NOPCHAP1: variants seen among roughly 807,000 people sequenced by gnomAD.
NOPCHAP1 encodes the protein DNA damage-sensitive RNA 1.
In NOPCHAP1, 13 loss-of-function variants were observed where a neutral mutation model predicts 14.0. The ratio of observed to expected loss-of-function variants is 0.93; its 90% confidence interval spans 0.60 to 1.47. NOPCHAP1 has a LOEUF of 1.47. Ranked by LOEUF, NOPCHAP1 falls within the 40% of genes most tolerant of loss-of-function variation. The pLI, the probability that NOPCHAP1 is intolerant of heterozygous loss-of-function variation, is 0.00. For synonymous variants in NOPCHAP1, 78 were observed against 78.4 expected, an observed-to-expected ratio of 1.00 and a Z score of 0.03; for missense variants, 230 against 226.9, an observed-to-expected ratio of 1.01 and a Z score of -0.09.
chr12:104,992,931 G>A (rs1873414473), intron 3 of NOPCHAP1, among the ~76,000 whole-genome samples: 1 of 152,138 alleles, frequency 6.6e-6, no homozygotes, highest in Admixed American at 6.5e-5. Flanking sequence ...CTGCTGCTCT[G>A]TCTGACCTTA....
chr12:104,994,453 A>C, intron 3 of NOPCHAP1, 25 bp from the exon 4 acceptor site: 1 of 1,598,554 alleles, frequency 6.3e-7, no homozygotes, highest in Non-Finnish European at 8.6e-7. Context: ...TCTGAAATAG[A>C]TTTCCTGTCC....
rs1873583823 is a variant in NOPCHAP1, at chr12:105,000,257, T to C, written c.*5561T>C. 6.6e-6 allele frequency: 1 copy of C among 152,184 alleles called. No homozygotes were observed. The highest frequency in any genetic ancestry group is 1.5e-5 in the Non-Finnish European group (1 of 68,030). 9.4% of individuals were successfully genotyped at this position (152,184 alleles called of 1,614,324 possible). On this transcript the variant is annotated 3_prime_UTR_variant, in exon 4 of 4. Coordinates refer to ENST00000552951, the MANE Select transcript of NOPCHAP1 (RefSeq NM_152318.3). Reference sequence around the variant, plus strand: ...TAATTGGAAAGGTTGGGATATTCCTTTCAGTGAGTGTAGGCAAGCAAATAG... The same window carrying C: ...TAATTGGAAAGGTTGGGATATTCCTCTCAGTGAGTGTAGGCAAGCAAATAG...
intron 3 of NOPCHAP1, 42 bp downstream of exon 3, chr12:104,991,890 C>T: frequency 6.4e-7 from 1 of 1,554,866 alleles, no homozygotes; most frequent in Non-Finnish European, 8.6e-7. Context: ...TACTGGTCTG[C>T]CTGTCACCTA....
chr12:104,994,752 A>G lies in NOPCHAP1; in HGVS notation c.*56A>G. The G allele has an allele frequency of 1.4e-6, 2 of 1,458,800 alleles. No individual in the cohort carries two copies. Among genetic ancestry groups the G allele is most frequent in the South Asian group, 2.4e-5 (2 of 82,558 alleles). 90.4% of individuals were successfully genotyped at this position (1,458,800 alleles called of 1,614,324 possible). Reference sequence around the variant, plus strand: ...ACATATGTCTGCAAATTCTGTGAAAAAGAATGTGATTCACGGGTTCTTTTG... The same window carrying G: ...ACATATGTCTGCAAATTCTGTGAAAGAGAATGTGATTCACGGGTTCTTTTG... On this transcript the variant is annotated 3_prime_UTR_variant, in exon 4 of 4. Coordinates refer to ENST00000552951, the MANE Select transcript of NOPCHAP1 (RefSeq NM_152318.3).
Position 104,986,368 on chromosome 12 carries a change from A to C in NOPCHAP1, c.16A>C (p.Lys6Gln). 6.2e-7 allele frequency: 1 copy of C among 1,610,226 alleles called. No individual in the cohort carries two copies. Among genetic ancestry groups the C allele is most frequent in the Non-Finnish European group, 8.5e-7 (1 of 1,178,412 alleles). Reference protein sequence around the residue: MEVHGKPKASPSCSSP... With the variant: MEVHGQPKASPSCSSP... ...TGAGGGAAGCATGGAGGTCCATGGC[A>C]AGCCCAAGGCTAGCCCGAGTTGTTC... Residue 6 changes from lysine (K) to glutamine (Q), a missense_variant, in exon 1 of 4, where the codon AAG (lysine) becomes CAG (glutamine). By Grantham distance (53) the Lys-to-Gln change is moderately conservative. Transcript: ENST00000552951.
intron 1 of NOPCHAP1, among the ~76,000 whole-genome samples, chr12:104,987,429 G>C (rs1049862143): frequency 6.6e-6 from 1 of 152,228 alleles, no homozygotes; most frequent in East Asian, 1.9e-4. Context: ...TCCAGACTCT[G>C]TGCTCTGATC....
In NOPCHAP1 at chr12:104,998,832, T is replaced by A. The variant is rs1306646230; in HGVS notation, c.*4136T>A. 7.9e-5 allele frequency: 12 copies of A among 151,128 alleles called. No homozygotes were observed. The allele number at this position is 151,128 out of a possible 1,614,324, so 9.4% of individuals were successfully genotyped here. A position where few individuals can be genotyped will look rare whatever the true frequency, so the allele number is the denominator to read the frequency against. Reference sequence around the variant, plus strand: ...TGTGCCCTCTGTGCGTGTGCTTACATGGGTAGCAGTGGCCACTCAGGGTAA... The same window carrying A: ...TGTGCCCTCTGTGCGTGTGCTTACAAGGGTAGCAGTGGCCACTCAGGGTAA... On this transcript the variant is annotated 3_prime_UTR_variant, in exon 4 of 4. Coordinates refer to ENST00000552951, the MANE Select transcript of NOPCHAP1 (RefSeq NM_152318.3).
chr12:105,017,368 G>C lies in NOPCHAP1; in HGVS notation c.*22672G>C, dbSNP rs1362190294. The stretch of plus-strand genomic sequence containing the variant: ...ATAAAAATGAGCCAGATGCGGTGGT[G>C]CATATCTGTAATCCCAGCTACTTGG... On this transcript the variant is annotated 3_prime_UTR_variant, in exon 4 of 4. Transcript: ENST00000552951. 6.6e-6 allele frequency: 1 copy of C among 152,006 alleles called. No individual in the cohort carries two copies. Among genetic ancestry groups the C allele is most frequent in the Non-Finnish European group, 1.5e-5 (1 of 68,074 alleles). The allele number at this position is 152,006 out of a possible 1,614,324, so 9.4% of individuals were successfully genotyped here.
Position 104,986,372 on chromosome 12 carries a change from C to A in NOPCHAP1, c.20C>A (p.Pro7His). ...GGAAGCATGGAGGTCCATGGCAAGC[C>A]CAAGGCTAGCCCGAGTTGTTCGTCG... MEVHGK[P>H]KASPSCSSPT... Residue 7 changes from proline (P) to histidine (H), a missense_variant, in exon 1 of 4, where the codon CCC becomes CAC. Physicochemically the swap from Pro to His is moderately conservative, Grantham distance 77. Transcript: ENST00000552951. The A allele has an allele frequency of 6.2e-7, 1 of 1,610,596 alleles. No homozygotes were observed. Among genetic ancestry groups the A allele is most frequent in the Non-Finnish European group, 8.5e-7 (1 of 1,178,624 alleles).
rs1696556174 is a variant in NOPCHAP1, at chr12:105,006,660, A to G, written c.*11964A>G. 6.6e-6 allele frequency: 1 copy of G among 152,232 alleles called. No homozygotes were observed. The highest frequency in any genetic ancestry group is 1.5e-5 in the Non-Finnish European group (1 of 68,046). The allele number at this position is 152,232 out of a possible 1,614,324, so 9.4% of individuals were successfully genotyped here. Reference sequence around the variant, plus strand: ...TCAGGGGTTAGCAGCCTTATAGATAAGGGCAGTCCTGATCATAAATCTAAT... The same window carrying G: ...TCAGGGGTTAGCAGCCTTATAGATAGGGGCAGTCCTGATCATAAATCTAAT... On this transcript the variant is annotated 3_prime_UTR_variant, in exon 4 of 4. Coordinates refer to ENST00000552951, the MANE Select transcript of NOPCHAP1 (RefSeq NM_152318.3).
Position 105,012,678 on chromosome 12 carries a change from G to A in NOPCHAP1, c.*17982G>A, listed in dbSNP as rs1262021505. ...AACCTTTGGGTGGGGTTTCTGTGTG[G>A]ACGTCCTTTTTGTTGATGTAGATGC... On this transcript the variant is annotated 3_prime_UTR_variant, in exon 4 of 4. Transcript: ENST00000552951. 1.3e-5 allele frequency: 2 copies of A among 152,152 alleles called. No individual in the cohort carries two copies. Among genetic ancestry groups the A allele is most frequent in the Non-Finnish European group, 2.9e-5 (2 of 68,042 alleles). The allele number at this position is 152,152 out of a possible 1,614,324, so 9.4% of individuals were successfully genotyped here. A position where few individuals can be genotyped will look rare whatever the true frequency, so the allele number is the denominator to read the frequency against.
intron 2 of NOPCHAP1, among the ~76,000 whole-genome samples, chr12:104,991,139 G>A (rs1873365338): frequency 6.6e-6 from 1 of 152,194 alleles, no homozygotes; most frequent in South Asian, 2.1e-4. Context: ...CCCGACTAGA[G>A]CAGCGTGTCA....
rs1033149521 is a variant in NOPCHAP1, at chr12:104,994,757, T to C, written c.*61T>C. 136 of 1,435,846 alleles carry C rather than the reference T, an allele frequency of 9.5e-5. No homozygotes were observed. Among genetic ancestry groups the C allele is most frequent in the Admixed American group, 4.6e-4 (24 of 51,846 alleles). The allele number at this position is 1,435,846 out of a possible 1,614,324, so 88.9% of individuals were successfully genotyped here. ...TGTCTGCAAATTCTGTGAAAAAGAA[T>C]GTGATTCACGGGTTCTTTTGCTTTT... On this transcript the variant is annotated 3_prime_UTR_variant, in exon 4 of 4. Transcript: ENST00000552951.
chr12:104,986,608 G>GGGGACTGCT, intron 1 of NOPCHAP1, 141 bp downstream of exon 1: 1 of 652,322 alleles, frequency 1.5e-6, no homozygotes, highest in Non-Finnish European at 2.4e-6. Context: ...GCGGGGCTCC[G>GGGGACTGCT]GCGTGCCCTG....
Position 105,002,096 on chromosome 12 carries a change from A to C in NOPCHAP1, c.*7400A>C, listed in dbSNP as rs1413077213. On this transcript the variant is annotated 3_prime_UTR_variant, in exon 4 of 4. Transcript: ENST00000552951. ...TGGTATACTGAAATAAGAATGCAAA[A>C]TCTCTTTTCCAGCATCCTAGTTGTT... is the stretch of plus-strand genomic sequence containing the variant. 3.9e-5 allele frequency: 6 copies of C among 152,152 alleles called. No homozygotes were observed. Among genetic ancestry groups the C allele is most frequent in the Non-Finnish European group, 8.8e-5 (6 of 68,018 alleles). The allele number at this position is 152,152 out of a possible 1,614,324, so 9.4% of individuals were successfully genotyped here.
Position 104,987,588 on chromosome 12 carries a change from C to T in NOPCHAP1, c.116-579C>T, listed in dbSNP as rs117183283. 6.2e-4 allele frequency among the ~76,000 whole-genome samples: 94 copies of T among 152,194 alleles called. No individual in the cohort carries two copies. In the East Asian group the frequency reaches 0.017, roughly 27 times the overall value. On this transcript the variant is annotated intron_variant, in intron 1 of 3. Coordinates refer to ENST00000552951, the MANE Select transcript of NOPCHAP1 (RefSeq NM_152318.3). Reference sequence around the variant, plus strand: ...GGTGTGCAAAGCCTTGAGTTTTGTACGTTCCCCTCTTGGAACTCTGATGGG... The same window carrying T: ...GGTGTGCAAAGCCTTGAGTTTTGTATGTTCCCCTCTTGGAACTCTGATGGG...
At position 104,991,828 on chromosome 12, in the gene NOPCHAP1, C is replaced by G. The variant is rs777858752; in HGVS notation, c.319C>G (p.His107Asp). ...RFNIENIDGPHSKVIQMDVAL... is the reference protein window; with the variant it reads ...RFNIENIDGPDSKVIQMDVAL... ...CAATATTGAAAACATTGATGGGCCT[C>G]ATAGTAAAGTTATACAAATGGTAAC... is the stretch of plus-strand genomic sequence containing the variant. The change falls in exon 3 of 4, where the codon CAT (histidine) becomes GAT (aspartate). Residue 107 changes from histidine (H) to aspartate (D), a missense_variant. Physicochemically the swap from His to Asp is moderately conservative, Grantham distance 81. Transcript: ENST00000552951. The G allele has an allele frequency of 1.1e-5, 18 of 1,610,934 alleles. No individual in the cohort carries two copies. The highest frequency in any genetic ancestry group is 1.4e-5 in the Non-Finnish European group (17 of 1,179,288).
Position 104,994,909 on chromosome 12 carries a change from G to A in NOPCHAP1, c.*213G>A, listed in dbSNP as rs1161019903. 2 of 520,460 alleles carry A rather than the reference G, an allele frequency of 3.8e-6. No homozygotes were observed. The highest frequency in any genetic ancestry group is 3.4e-5 in the Admixed American group (1 of 29,182). 32.2% of individuals were successfully genotyped at this position (520,460 alleles called of 1,614,324 possible). Reference sequence around the variant, plus strand: ...AACTGAAAGGGGTTCAGAGACCTCCGCTCTACAGCAAGGAAAGTGTGCTTT... The same window carrying A: ...AACTGAAAGGGGTTCAGAGACCTCCACTCTACAGCAAGGAAAGTGTGCTTT... On this transcript the variant is annotated 3_prime_UTR_variant, in exon 4 of 4. Transcript: ENST00000552951.
At chr12:104,992,904 A>G (rs1873413748) in intron 3 of NOPCHAP1, among the ~76,000 whole-genome samples, 1 of 152,230 alleles carries the variant, frequency 6.6e-6, no homozygotes, top group Non-Finnish European at 1.5e-5. Flanking sequence ...GGTCCCTGGT[A>G]CCAAAGAGGT....
Sources: gnomAD v4.1 joint callset for allele counts (sites outside exome capture counted in the v4.1 genomes callset) on GRCh38, gnomAD v4.1.1 for gene constraint, MANE v1.5 for transcripts, NCBI Gene and HGNC (gene_info 2026-07-23, HGNC 2026-07-21) for gene names.